Variants in CFAP58 observed in about 807,000 individuals in gnomAD.
CFAP58 encodes cilia and flagella associated protein 58.
CFAP58 carries 88 observed loss-of-function variants against 119.5 expected under a neutral mutation model. The observed-to-expected ratio is 0.74, with a 90% CI of 0.62 to 0.88. The LOEUF is 0.88. Among genes scored for constraint, CFAP58 ranks in the 40% least tolerant of loss-of-function variants. CFAP58 has a pLI of 0.00. For missense variants in CFAP58, 990 were observed against 1,021.2 expected, an observed-to-expected ratio of 0.97 and a Z score of 0.42; for synonymous variants, 365 against 366.3, an observed-to-expected ratio of 1.00 and a Z score of 0.04.
chr10:104,386,135 T>G (rs1180397625), intron 9 of CFAP58, among the ~76,000 whole-genome samples: 2 of 151,542 alleles, frequency 1.3e-5, no homozygotes, highest in Non-Finnish European at 2.9e-5. Flanking sequence ...CCCAGCACTT[T>G]GGGAGGCCAA....
intron 15 of CFAP58, among the ~76,000 whole-genome samples, chr10:104,416,545 G>A (rs1302978352): frequency 1.3e-5 from 2 of 152,114 alleles, no homozygotes; most frequent in African/African-American, 4.8e-5. Flanking sequence ...GGATCTGCAC[G>A]AGTTATTAGC....
At chr10:104,410,131 C>T (rs564577398) in intron 15 of CFAP58, among the ~76,000 whole-genome samples, 3 of 152,220 alleles carry the variant, frequency 2.0e-5, no homozygotes, top group African/African-American at 7.2e-5. Flanking sequence ...TTGTTTTTCT[C>T]TTTCATAGAT....
intron 6 of CFAP58, among the ~76,000 whole-genome samples, chr10:104,369,545 C>G (rs1308206419): frequency 1.3e-5 from 2 of 152,224 alleles, no homozygotes; most frequent in East Asian, 3.9e-4. Flanking sequence ...AGACTTGAAA[C>G]CATTCTTTAT....
intron 15 of CFAP58, among the ~76,000 whole-genome samples, chr10:104,444,536 T>C (rs2013084047): frequency 6.6e-6 from 1 of 152,236 alleles, no homozygotes; most frequent in South Asian, 2.1e-4. Context: ...TGTAGAGGAT[T>C]ACGAGAGAAA....
Position 104,450,156 on chromosome 10 carries a change from AT to A in CFAP58, c.2465del (p.Leu822Ter). The A allele has an allele frequency of 6.2e-7, 1 of 1,613,758 alleles. No homozygotes were observed. ...EVEKLTNELQ[N>X]LKKKYLAQKR... is the part of the protein sequence containing the mutation. ...GAGAAACTTACCAATGAGCTCCAGA[AT>A]TTAAAGAAGAAATACCTCGCTCAGA... On this transcript the variant is annotated frameshift_variant, in exon 17 of 18. Transcript: ENST00000369704. LOFTEE classifies it high-confidence loss of function.
chr10:104,406,799 AT>A lies in CFAP58; in HGVS notation c.2256+11del, dbSNP rs2012369436. On this transcript the variant is annotated splice_region_variant and intron_variant, in intron 15 of 17. Coordinates refer to ENST00000369704, the MANE Select transcript of CFAP58 (RefSeq NM_001008723.2). ...AAAAAGAGCTGCTCCTCCAGGTAGC[AT>A]TTTTGTTTTCTGTACTCATTGTACA... The A allele has an allele frequency of 1.9e-6, 3 of 1,613,014 alleles. No individual in the cohort carries two copies. Among genetic ancestry groups the A allele is most frequent in the Non-Finnish European group, 2.5e-6 (3 of 1,178,986 alleles).
chr10:104,415,253 T>C (rs1280414434), intron 15 of CFAP58, among the ~76,000 whole-genome samples: 3 of 150,824 alleles, frequency 2.0e-5, no homozygotes, highest in Non-Finnish European at 4.4e-5. Context: ...GAAGCTGGAG[T>C]CGGGGAGCAG....
the CFAP58 span, among the ~76,000 whole-genome samples, chr10:104,345,932 G>A: frequency 6.6e-6 from 1 of 152,134 alleles, no homozygotes; most frequent in East Asian, 1.9e-4. Flanking sequence ...TATTCACTGT[G>A]TTCATCTGCT....
chr10:104,394,075 C>CG (rs1450909024), intron 11 of CFAP58, among the ~76,000 whole-genome samples: 1 of 152,188 alleles, frequency 6.6e-6, no homozygotes, highest in Admixed American at 6.5e-5. Flanking sequence ...ATATATCTTA[C>CG]TAAGACATAC....
intron 9 of CFAP58, among the ~76,000 whole-genome samples, chr10:104,391,255 T>A (rs941241178): frequency 6.6e-6 from 1 of 152,174 alleles, no homozygotes; most frequent in African/African-American, 2.4e-5. Flanking sequence ...CTCAGAGATG[T>A]GGGCCCAGAG....
intron 1 of CFAP58, 25 bp downstream of exon 1, chr10:104,353,931 G>A (rs199569018): frequency 2.5e-6 from 4 of 1,612,982 alleles, no homozygotes; most frequent in East Asian, 2.2e-5. Flanking sequence ...CCCCTCTGTC[G>A]CCTTTCCCTT....
At chr10:104,405,788 G>A (rs1589924589) in intron 14 of CFAP58, among the ~76,000 whole-genome samples, 1 of 152,308 alleles carries the variant, frequency 6.6e-6, no homozygotes, top group East Asian at 1.9e-4. Flanking sequence ...AAGGCTGAGT[G>A]AATTAGGGAG....
At chr10:104,355,246 C>T (rs76514965) in intron 1 of CFAP58, among the ~76,000 whole-genome samples, 1,771 of 152,242 alleles carry the variant, frequency 0.012, 46 homozygotes, top group African/African-American at 0.041. Context: ...TTTCTCCCAC[C>T]AGTCATCTTT....
chr10:104,454,422 A>G lies in CFAP58; in HGVS notation c.2511A>G (p.Lys837=). The G allele has an allele frequency of 1.2e-6, 2 of 1,612,288 alleles. No individual in the cohort carries two copies. Among genetic ancestry groups the G allele is most frequent in the Non-Finnish European group, 8.5e-7 (1 of 1,178,550 alleles). Residue 837 remains lysine (K), a splice_region_variant and synonymous_variant, in exon 18 of 18, where the codon AAA becomes AAG. Transcript: ENST00000369704. ...CTAACTTTCACCTCCTCTCTTACAG[A>G]AACAAGGACACAGCACCCATGGATA... ...LAQKRKEQLQ[K]NKDTAPMDNT...
chr10:104,452,841 C>A (rs1434699855), intron 17 of CFAP58, among the ~76,000 whole-genome samples: 1 of 152,150 alleles, frequency 6.6e-6, no homozygotes, highest in African/African-American at 2.4e-5. Flanking sequence ...TTACTAGTAG[C>A]CACTCTGACC....
At chr10:104,418,363 A>G (rs981507245) in intron 15 of CFAP58, among the ~76,000 whole-genome samples, 4 of 152,172 alleles carry the variant, frequency 2.6e-5, no homozygotes, top group African/African-American at 9.7e-5. Flanking sequence ...CCTGGCTAAC[A>G]TGGTGAAACC....
intron 17 of CFAP58, among the ~76,000 whole-genome samples, chr10:104,452,984 A>T (rs928440785): frequency 6.6e-6 from 1 of 152,198 alleles, no homozygotes; most frequent in Non-Finnish European, 1.5e-5. Context: ...AAGTGCTGAG[A>T]TGGTATAGAC....
intron 11 of CFAP58, among the ~76,000 whole-genome samples, chr10:104,397,566 G>A (rs892036810): frequency 4.6e-5 from 7 of 152,200 alleles, no homozygotes; most frequent in Non-Finnish European, 8.8e-5. Flanking sequence ...GCACTTAAAA[G>A]TATGAGGTTT....
At chr10:104,414,601 T>C (rs1021938155) in intron 15 of CFAP58, among the ~76,000 whole-genome samples, 15 of 152,070 alleles carry the variant, frequency 9.9e-5, no homozygotes, top group Admixed American at 7.2e-4. Flanking sequence ...GTGGGTGGGC[T>C]TCAGGGAAGA....
Sources: gnomAD v4.1 joint callset for allele counts (sites outside exome capture counted in the v4.1 genomes callset) on GRCh38, gnomAD v4.1.1 for gene constraint, MANE v1.5 for transcripts, NCBI Gene and HGNC (gene_info 2026-07-23, HGNC 2026-07-21) for gene names.